Variants in CTNNA2 observed in about 807,000 individuals in gnomAD.
CTNNA2 encodes catenin alpha-2.
A neutral mutation model predicts 101.0 loss-of-function variants in CTNNA2; 42 were observed. The ratio of observed to expected loss-of-function variants is 0.42; its 90% CI spans 0.32 to 0.54. The LOEUF (loss-of-function observed/expected upper bound fraction) is 0.54. Among genes scored for constraint, CTNNA2 ranks in the 20% least tolerant of loss-of-function variants. CTNNA2 has a pLI of 0.14. For missense variants in CTNNA2, 871 were observed against 1,223.1 expected (o/e 0.71, Z 4.29); for synonymous variants, 450 against 456.4 (o/e 0.99, Z 0.18).
intron 15 of CTNNA2, among the ~76,000 whole-genome samples, chr2:80,591,293 C>G (rs1696466245): frequency 6.6e-6 from 1 of 151,936 alleles, no homozygotes; most frequent in Non-Finnish European, 1.5e-5. Context: ...TAGGGAGCTA[C>G]TAGTTACAAT....
intron 7 of CTNNA2, among the ~76,000 whole-genome samples, chr2:80,173,306 G>A (rs952205722): frequency 1.3e-5 from 2 of 152,114 alleles, no homozygotes; most frequent in African/African-American, 4.8e-5. Context: ...GGGACAAAGT[G>A]CTTTCATGTC....
intron 3 of CTNNA2, among the ~76,000 whole-genome samples, chr2:79,327,148 A>G (rs748853289): frequency 6.6e-6 from 1 of 152,156 alleles, no homozygotes; most frequent in South Asian, 2.1e-4. Flanking sequence ...TAACTCTACT[A>G]TCTTTGGTAG....
At chr2:80,394,087 C>T (rs866702799) in intron 8 of CTNNA2, among the ~76,000 whole-genome samples, 1 of 152,228 alleles carries the variant, frequency 6.6e-6, no homozygotes, top group Non-Finnish European at 1.5e-5. Context: ...CTATGTCCAT[C>T]TCATTCACTA....
At chr2:80,574,132 C>T in intron 12 of CTNNA2, 31 bp from the exon 13 acceptor site, 1 of 1,597,910 alleles carries the variant, frequency 6.3e-7, no homozygotes, top group Non-Finnish European at 8.5e-7. Context: ...AGAGAAATTG[C>T]CTAATCCTCT....
rs527385898 is a variant in CTNNA2 at position 80,095,299 on chromosome 2, T to A, written c.1056+185502T>A. Among the ~76,000 whole-genome samples, 5 of 152,320 alleles carry A rather than the reference T, an allele frequency of 3.3e-5. No homozygotes were observed. The East Asian group carries it at 9.6e-4, about 29-fold the overall frequency. On this transcript the variant is annotated intron_variant, in intron 7 of 18. Coordinates refer to ENST00000402739, the MANE Select transcript of CTNNA2 (RefSeq NM_001282597.3). Reference sequence around the variant, plus strand: ...TCATTGGTTCTGTTTATATGCTGGATTACGTTTATTGATTTGCATATGTTG... The same window carrying A: ...TCATTGGTTCTGTTTATATGCTGGAATACGTTTATTGATTTGCATATGTTG...
intron 7 of CTNNA2, among the ~76,000 whole-genome samples, chr2:80,278,441 C>T (rs1674096911): frequency 6.6e-6 from 1 of 152,086 alleles, no homozygotes; most frequent in Non-Finnish European, 1.5e-5. Flanking sequence ...CACCCATGGT[C>T]TGGTGGTTGA....
intron 3 of CTNNA2, among the ~76,000 whole-genome samples, chr2:79,317,456 T>C (rs1030609262): frequency 1.1e-4 from 16 of 152,148 alleles, no homozygotes; most frequent in African/African-American, 3.6e-4. Flanking sequence ...TTGCATGGAC[T>C]CTGCTCAGCC....
At chr2:79,386,853 G>C (rs1308467678) in intron 4 of CTNNA2, among the ~76,000 whole-genome samples, 1 of 152,188 alleles carries the variant, frequency 6.6e-6, no homozygotes, top group South Asian at 2.1e-4. Flanking sequence ...TTAACAGGCA[G>C]CAGAATCTTC....
chr2:80,077,007 C>T (rs1337658213), intron 7 of CTNNA2, among the ~76,000 whole-genome samples: 1 of 152,116 alleles, frequency 6.6e-6, no homozygotes, highest in Admixed American at 6.5e-5. Flanking sequence ...GATCACGCCA[C>T]TGTACTCCAG....
intron 1 of CTNNA2, among the ~76,000 whole-genome samples, chr2:79,600,496 C>CA (rs1334820244): frequency 6.6e-6 from 1 of 152,034 alleles, no homozygotes; most frequent in African/African-American, 2.4e-5. Flanking sequence ...TTGTTAAAAG[C>CA]AGATGTGTGA....
intron 4 of CTNNA2, among the ~76,000 whole-genome samples, chr2:79,864,277 G>A (rs1482401288): frequency 6.6e-6 from 1 of 152,164 alleles, no homozygotes; most frequent in Non-Finnish European, 1.5e-5. Context: ...AGAGCTTTAC[G>A]AACCAAGGAA....
At chr2:80,414,537 G>C (rs796419004) in intron 8 of CTNNA2, among the ~76,000 whole-genome samples, 12 of 152,200 alleles carry the variant, frequency 7.9e-5, no homozygotes, top group African/African-American at 2.9e-4. Context: ...CTCTGTATAA[G>C]AAGCTTAAAT....
At chr2:79,295,122 A>G (rs1002894435) in intron 2 of CTNNA2, among the ~76,000 whole-genome samples, 36 of 152,188 alleles carry the variant, frequency 2.4e-4, no homozygotes, top group African/African-American at 8.7e-4. Context: ...GACTATTCTC[A>G]GTTTACTTTG....
chr2:80,200,571 T>G (rs2149014851), intron 7 of CTNNA2, among the ~76,000 whole-genome samples: 1 of 152,284 alleles, frequency 6.6e-6, no homozygotes, highest in African/African-American at 2.4e-5. Flanking sequence ...AGTCTCACTG[T>G]ATCACCCAGG....
intron 2 of CTNNA2, among the ~76,000 whole-genome samples, chr2:79,695,678 A>G (rs916877528): frequency 3.3e-5 from 5 of 151,926 alleles, no homozygotes; most frequent in Admixed American, 6.6e-5. Context: ...GGTCCACTCC[A>G]TGGTCTCTTA....
chr2:79,379,753 A>T (rs1294308016), intron 4 of CTNNA2, among the ~76,000 whole-genome samples: 1 of 152,184 alleles, frequency 6.6e-6, no homozygotes, highest in African/African-American at 2.4e-5. Context: ...TGATTATGTT[A>T]GTATTTCTGG....
intron 2 of CTNNA2, among the ~76,000 whole-genome samples, chr2:79,276,512 T>C (rs1329039330): frequency 6.6e-6 from 1 of 152,138 alleles, no homozygotes; most frequent in Non-Finnish European, 1.5e-5. Flanking sequence ...GTTTGTTACC[T>C]GAAGTCTATT....
intron 3 of CTNNA2, among the ~76,000 whole-genome samples, chr2:79,326,519 A>G (rs1676751535): frequency 6.6e-6 from 1 of 152,166 alleles, no homozygotes; most frequent in Non-Finnish European, 1.5e-5. Flanking sequence ...GTTACAAAGG[A>G]ATATTTCAGG....
At chr2:79,794,671 A>G (rs1164024450) in intron 3 of CTNNA2, among the ~76,000 whole-genome samples, 1 of 152,218 alleles carries the variant, frequency 6.6e-6, no homozygotes, top group Non-Finnish European at 1.5e-5. Flanking sequence ...GTAGATCTCC[A>G]TAACTTACTT....
Sources: gnomAD v4.1 joint callset for allele counts (sites outside exome capture counted in the v4.1 genomes callset) on GRCh38, gnomAD v4.1.1 for gene constraint, MANE v1.5 for transcripts, NCBI Gene and HGNC (gene_info 2026-07-23, HGNC 2026-07-21) for gene names.